Variants in PAPPA2 observed in about 807,000 individuals in gnomAD.
PAPPA2 encodes pappalysin 2, also known as pappalysin-2.
A neutral mutation model predicts 176.4 loss-of-function variants in PAPPA2; 86 were observed. The ratio of observed to expected loss-of-function variants is 0.49; its 90% CI spans 0.41 to 0.58. PAPPA2 has a LOEUF of 0.58. PAPPA2 is among the 20% of genes least tolerant of loss of function. The probability of loss-of-function intolerance (pLI) is 0.00; values close to 1 mark genes in which losing one functional copy is unlikely to be tolerated. For synonymous variants in PAPPA2, 809 were observed against 852.2 expected, an observed-to-expected ratio of 0.95 and a Z score of 0.88; for missense variants, 2,073 against 2,256.9, an observed-to-expected ratio of 0.92 and a Z score of 1.65.
intron 21 of PAPPA2, among the ~76,000 whole-genome samples, chr1:176,801,851 TC>T (rs1301041708): frequency 6.6e-6 from 1 of 152,028 alleles, no homozygotes; most frequent in Non-Finnish European, 1.5e-5. Flanking sequence ...TGTTCTCCCC[TC>T]CTCCCTGCAC....
intron 20 of PAPPA2, among the ~76,000 whole-genome samples, chr1:176,794,548 T>C (rs1223503982): frequency 6.6e-6 from 1 of 152,194 alleles, no homozygotes; most frequent in Admixed American, 6.5e-5. Context: ...TGTGTATATG[T>C]GTGCACGTGT....
intron 12 of PAPPA2, among the ~76,000 whole-genome samples, chr1:176,725,261 C>A (rs1661812734): frequency 6.6e-6 from 1 of 152,104 alleles, no homozygotes; most frequent in African/African-American, 2.4e-5. Context: ...CTTCTTAGCT[C>A]ACAGGCTGTA....
In PAPPA2 at chr1:176,695,821, G is replaced by A. The variant is rs1474179673; in HGVS notation, c.2708G>A (p.Cys903Tyr). The A allele has an allele frequency of 2.5e-6, 4 of 1,613,994 alleles. No homozygotes were observed. The Admixed American group carries it at 6.7e-5, about 27-fold the overall frequency. Residue 903 changes from cysteine to tyrosine, a missense_variant, in exon 7 of 23, where the codon TGT becomes TAT. Cys to Tyr is a radical substitution (Grantham distance 194). Coordinates refer to ENST00000367662, the MANE Select transcript of PAPPA2 (RefSeq NM_020318.3). The part of the protein sequence containing the change: ...YVHTASSRRV[C>Y]DSSGYWTPEE... Reference sequence around the variant, plus strand: ...CACACAGCTTCCTCCCGGCGGGTGTGTGACTCCTCAGGTTATTGGACCCCA... The same window carrying A: ...CACACAGCTTCCTCCCGGCGGGTGTATGACTCCTCAGGTTATTGGACCCCA...
At chr1:176,571,513 A>G (rs1046395951) in intron 2 of PAPPA2, among the ~76,000 whole-genome samples, 5 of 152,136 alleles carry the variant, frequency 3.3e-5, no homozygotes, top group Non-Finnish European at 5.9e-5. Flanking sequence ...GCCTGTTGCT[A>G]TTTCACCCTT....
At chr1:176,701,073 CACACAT>C (rs1660633977) in intron 8 of PAPPA2, among the ~76,000 whole-genome samples, 2 of 152,002 alleles carry the variant, frequency 1.3e-5, no homozygotes, top group African/African-American at 4.8e-5. Flanking sequence ...CACACACACA[CACACAT>C]GTTTAAGGCC....
At chr1:176,580,149 C>G (rs1157692162) in intron 2 of PAPPA2, among the ~76,000 whole-genome samples, 1 of 152,110 alleles carries the variant, frequency 6.6e-6, no homozygotes, top group East Asian at 1.9e-4. Flanking sequence ...GCAAATTTAT[C>G]CCTATCTCCC....
chr1:176,694,955 A>G (rs1185929450), intron 6 of PAPPA2, among the ~76,000 whole-genome samples: 2 of 152,226 alleles, frequency 1.3e-5, no homozygotes, highest in Admixed American at 1.3e-4. Context: ...AGAAGGGAGT[A>G]CTGGTCACTC....
chr1:176,562,462 A>G (rs1244080201), intron 2 of PAPPA2, among the ~76,000 whole-genome samples: 1 of 152,168 alleles, frequency 6.6e-6, no homozygotes, highest in Non-Finnish European at 1.5e-5. Flanking sequence ...CTTTTCCCAG[A>G]ATCTTCCTGA....
At chr1:176,824,623 C>T (rs566662121) in intron 21 of PAPPA2, among the ~76,000 whole-genome samples, 89 of 152,254 alleles carry the variant, frequency 5.8e-4, no homozygotes, top group African/African-American at 2.1e-3. Flanking sequence ...GAAATTGACT[C>T]CCCAATGTCC....
chr1:176,617,963 G>C lies in PAPPA2; in HGVS notation c.1991+22368G>C, dbSNP rs1573135512. On this transcript the variant is annotated intron_variant, in intron 3 of 22. Coordinates refer to ENST00000367662, the MANE Select transcript of PAPPA2 (RefSeq NM_020318.3). ...TGAAATGACTTGTCTGAAAATCTAA[G>C]CTGACTGAAACTGTGCTCAGTAAAG... 2.6e-5 allele frequency among the ~76,000 whole-genome samples: 4 copies of C among 152,172 alleles called. 1 individual carries two copies. The South Asian group carries it at 6.2e-4, about 24-fold the overall frequency.
At chr1:176,803,136 A>C (rs1665753472) in intron 21 of PAPPA2, among the ~76,000 whole-genome samples, 1 of 151,880 alleles carries the variant, frequency 6.6e-6, no homozygotes, top group Non-Finnish European at 1.5e-5. Context: ...ATGGCAACTT[A>C]GTTAATGGAA....
Position 176,623,656 on chromosome 1 carries a change from T to TTTCTTTCTTTCTTTCC in PAPPA2, c.1991+28075_1991+28076insCCTTCTTTCTTTCTTT, listed in dbSNP as rs1558479219. On this transcript the variant is annotated intron_variant, in intron 3 of 22. Transcript: ENST00000367662. ...CTTTCTTTCTTTCTTTCTTTCTTTCTTTCTTTCTTTCTTTTTCTTTCTTTC... is the reference window on the plus strand; with the variant it reads ...CTTTCTTTCTTTCTTTCTTTCTTTCTTTCTTTCTTTCTTTCCTTCTTTCTTTCTTTTTCTTTCTTTC... Among the ~76,000 whole-genome samples the TTTCTTTCTTTCTTTCC allele has an allele frequency of 3.7e-4, 48 of 128,930 alleles. 1 individual carries two copies. The highest frequency in any genetic ancestry group is 7.4e-4 in the Non-Finnish European group (44 of 59,170). The allele number at this position is 128,930 out of a possible 152,430, so 84.6% of individuals were successfully genotyped here.
intron 3 of PAPPA2, among the ~76,000 whole-genome samples, chr1:176,649,998 T>A (rs1160571132): frequency 2.6e-5 from 4 of 151,648 alleles, no homozygotes; most frequent in Non-Finnish European, 4.4e-5. Context: ...AATGGGCTGT[T>A]GAAGTCCCTT....
At chr1:176,527,110 C>T (rs2102546387) in intron 1 of PAPPA2, among the ~76,000 whole-genome samples, 1 of 152,266 alleles carries the variant, frequency 6.6e-6, no homozygotes, top group African/African-American at 2.4e-5. Flanking sequence ...CTATGCGTGT[C>T]TTGAATAAAA....
intron 3 of PAPPA2, among the ~76,000 whole-genome samples, chr1:176,640,738 A>G (rs1262626248): frequency 2.0e-5 from 3 of 151,506 alleles, no homozygotes; most frequent in African/African-American, 4.8e-5. Context: ...TGGTATTTCT[A>G]GTTCTAGATC....
intron 1 of PAPPA2, among the ~76,000 whole-genome samples, chr1:176,515,329 G>C (rs1397997327): frequency 6.6e-6 from 1 of 152,168 alleles, no homozygotes; most frequent in African/African-American, 2.4e-5. Flanking sequence ...AACTGCACTG[G>C]AGGATGAGTG....
chr1:176,667,927 G>A (rs1157234394), intron 3 of PAPPA2, among the ~76,000 whole-genome samples: 2 of 152,134 alleles, frequency 1.3e-5, no homozygotes, highest in Admixed American at 6.5e-5. Context: ...AGTAGTTGAA[G>A]TTTGCGTGTA....
intron 21 of PAPPA2, among the ~76,000 whole-genome samples, chr1:176,826,823 G>T (rs1666879191): frequency 2.0e-5 from 3 of 152,170 alleles, no homozygotes; most frequent in African/African-American, 7.2e-5. Context: ...GGCCCCTCTA[G>T]ACCTGTGTTT....
At chr1:176,764,816 T>C (rs1663875418) in intron 14 of PAPPA2, among the ~76,000 whole-genome samples, 2 of 152,204 alleles carry the variant, frequency 1.3e-5, no homozygotes, top group Admixed American at 1.3e-4. Context: ...CAGGACAGTC[T>C]CTATCTCCTG....
Sources: gnomAD v4.1 joint callset for allele counts (sites outside exome capture counted in the v4.1 genomes callset) on GRCh38, gnomAD v4.1.1 for gene constraint, MANE v1.5 for transcripts, NCBI Gene and HGNC (gene_info 2026-07-23, HGNC 2026-07-21) for gene names.